Variants in CTNNA2 observed in about 807,000 individuals in gnomAD.
The protein encoded by CTNNA2 is catenin alpha-2.
CTNNA2 carries 42 observed loss-of-function variants against 101.0 expected under a neutral mutation model. The ratio of observed to expected loss-of-function variants is 0.42; its 90% CI spans 0.32 to 0.54. CTNNA2 has a LOEUF of 0.54. Among genes scored for constraint, CTNNA2 ranks in the 20% least tolerant of loss-of-function variants. CTNNA2 has a pLI of 0.14. For synonymous variants in CTNNA2, 450 were observed against 456.4 expected (o/e 0.99, Z 0.18); for missense variants, 871 against 1,223.1 (o/e 0.71, Z 4.29).
chr2:80,612,106 T>C (rs771035823), intron 17 of CTNNA2, among the ~76,000 whole-genome samples: 2 of 151,542 alleles, frequency 1.3e-5, no homozygotes, highest in Non-Finnish European at 3.0e-5. Flanking sequence ...CTTTTGTTCT[T>C]TGCCATTTAA....
At chr2:80,306,536 C>G (rs1230088062) in intron 7 of CTNNA2, among the ~76,000 whole-genome samples, 1 of 151,780 alleles carries the variant, frequency 6.6e-6, no homozygotes. Context: ...AACTCTGGAT[C>G]AGGCATTTGC....
At chr2:79,800,611 A>G (rs545634186) in intron 3 of CTNNA2, among the ~76,000 whole-genome samples, 1 of 152,172 alleles carries the variant, frequency 6.6e-6, no homozygotes, top group South Asian at 2.1e-4. Flanking sequence ...GATCACGTCC[A>G]CCTGCAGAAG....
intron 7 of CTNNA2, among the ~76,000 whole-genome samples, chr2:80,065,564 G>A (rs1697928128): frequency 6.6e-6 from 1 of 152,032 alleles, no homozygotes; most frequent in Non-Finnish European, 1.5e-5. Context: ...ATGTTGGCCA[G>A]GATGGTCTTG....
At chr2:80,327,165 A>G (rs1573727947) in intron 7 of CTNNA2, among the ~76,000 whole-genome samples, 1 of 152,344 alleles carries the variant, frequency 6.6e-6, no homozygotes, top group African/African-American at 2.4e-5. Flanking sequence ...TCAACAGAAA[A>G]GAATAGCTGC....
At chr2:79,755,140 G>C (rs1016552336) in intron 3 of CTNNA2, among the ~76,000 whole-genome samples, 1 of 152,020 alleles carries the variant, frequency 6.6e-6, no homozygotes, top group Non-Finnish European at 1.5e-5. Context: ...GCCTGGGCAA[G>C]ATAGCAAGAC....
At chr2:79,738,169 T>C (rs568047131) in intron 2 of CTNNA2, among the ~76,000 whole-genome samples, 1 of 152,332 alleles carries the variant, frequency 6.6e-6, no homozygotes, top group South Asian at 2.1e-4. Flanking sequence ...TTAACATATC[T>C]GAAAACAGTG....
intron 7 of CTNNA2, among the ~76,000 whole-genome samples, chr2:80,055,567 A>T (rs1444395998): frequency 6.6e-6 from 1 of 152,134 alleles, no homozygotes; most frequent in Admixed American, 6.5e-5. Flanking sequence ...TCATATAATA[A>T]TCCAGATTTC....
At chr2:80,042,680 A>G (rs896578674) in intron 7 of CTNNA2, among the ~76,000 whole-genome samples, 1 of 152,236 alleles carries the variant, frequency 6.6e-6, no homozygotes, top group African/African-American at 2.4e-5. Context: ...GAGAAGAGCA[A>G]CAATACTCAT....
At chr2:80,244,207 T>C (rs1049777930) in intron 7 of CTNNA2, among the ~76,000 whole-genome samples, 5 of 152,228 alleles carry the variant, frequency 3.3e-5, no homozygotes, top group Admixed American at 2.6e-4. Context: ...TGGCCATTAT[T>C]ATAAAGGAAG....
At chr2:80,295,299 T>C (rs1406139099) in intron 7 of CTNNA2, among the ~76,000 whole-genome samples, 1 of 151,166 alleles carries the variant, frequency 6.6e-6, no homozygotes, top group Non-Finnish European at 1.5e-5. Context: ...TGCGGGTGAG[T>C]GTGTGTGTCC....
At chr2:79,421,057 C>A (rs1268939830) in intron 4 of CTNNA2, among the ~76,000 whole-genome samples, 1 of 152,086 alleles carries the variant, frequency 6.6e-6, no homozygotes, top group African/African-American at 2.4e-5. Flanking sequence ...ACAAGCAGTG[C>A]CCATTTAAGG....
chr2:80,022,715 C>T (rs1251760483), intron 7 of CTNNA2, among the ~76,000 whole-genome samples: 1 of 152,178 alleles, frequency 6.6e-6, no homozygotes, highest in Non-Finnish European at 1.5e-5. Context: ...TTTCTCATGA[C>T]AGGCTTTCTC....
At chr2:79,359,349 ATCT>A (rs1186478258) in intron 3 of CTNNA2, among the ~76,000 whole-genome samples, 1 of 152,176 alleles carries the variant, frequency 6.6e-6, no homozygotes, top group Non-Finnish European at 1.5e-5. Flanking sequence ...AGGTAGTTTC[ATCT>A]GTCTCATGAA....
chr2:80,511,871 C>T (rs1688727009), intron 9 of CTNNA2, among the ~76,000 whole-genome samples: 1 of 152,014 alleles, frequency 6.6e-6, no homozygotes, highest in African/African-American at 2.4e-5. Context: ...TGTAGGAGGG[C>T]CAGGCGTGGT....
At chr2:80,043,567 C>A (rs139763922) in intron 7 of CTNNA2, among the ~76,000 whole-genome samples, 2 of 152,202 alleles carry the variant, frequency 1.3e-5, no homozygotes, top group Non-Finnish European at 2.9e-5. Flanking sequence ...ACAGTCCTTG[C>A]GGGTTGAATG....
chr2:80,541,257 C>T (rs1012558608), intron 9 of CTNNA2, among the ~76,000 whole-genome samples: 3 of 151,916 alleles, frequency 2.0e-5, no homozygotes, highest in Admixed American at 2.0e-4. Context: ...AGAATGTTTC[C>T]AAAGAAAATA....
chr2:79,898,001 C>T (rs1325622397), intron 6 of CTNNA2, among the ~76,000 whole-genome samples: 2 of 152,166 alleles, frequency 1.3e-5, no homozygotes, highest in Non-Finnish European at 2.9e-5. Flanking sequence ...ATTAAACGTG[C>T]CACCTCTTAA....
rs537848694 is a variant in CTNNA2, at chr2:79,414,360, A to T, written c.-135+40347A>T. Among the ~76,000 whole-genome samples the T allele has an allele frequency of 2.0e-5, 3 of 152,196 alleles. No homozygotes were observed. In the South Asian group the frequency reaches 6.2e-4, roughly 32 times the overall value. ...ACTATGAAAGTGGGCCTGAGGATCA[A>T]AAAACGAGGAGTAATGAGACAAAAT... On this transcript the variant is annotated intron_variant, in intron 4 of 21. Coordinates refer to the CTNNA2 transcript ENST00000466387.
intron 3 of CTNNA2, among the ~76,000 whole-genome samples, chr2:79,845,675 T>C (rs1374292874): frequency 6.6e-6 from 1 of 152,230 alleles, no homozygotes; most frequent in Admixed American, 6.5e-5. Flanking sequence ...GACAAGCTAT[T>C]GATCACAGGA....
Sources: allele counts gnomAD v4.1 joint callset (sites outside exome capture counted in the v4.1 genomes callset), GRCh38; gene constraint gnomAD v4.1.1; transcripts MANE v1.5; gene names NCBI Gene and HGNC (gene_info 2026-07-23, HGNC 2026-07-21).